The following DLG2 variants were observed in gnomAD, a reference collection of about 807,000 sequenced individuals.
DLG2 encodes discs large MAGUK scaffold protein 2.
A neutral mutation model predicts 132.5 loss-of-function variants in DLG2; 45 were observed. The observed-to-expected ratio is 0.34, with a 90% CI of 0.27 to 0.44. The LOEUF is 0.44. Among genes scored for constraint, DLG2 ranks in the 20% least tolerant of loss-of-function variants. The probability of loss-of-function intolerance (pLI) is 1.00; values close to 1 mark genes in which losing one functional copy is unlikely to be tolerated. For synonymous variants in DLG2, 424 were observed against 419.6 expected (o/e 1.01, Z -0.13); for missense variants, 1,045 against 1,196.9 (o/e 0.87, Z 1.87).
intron 7 of DLG2, among the ~76,000 whole-genome samples, chr11:84,519,221 C>A (rs1429726880): frequency 1.3e-5 from 2 of 152,176 alleles, no homozygotes; most frequent in Middle Eastern, 3.4e-3. Flanking sequence ...AAAATAAATA[C>A]CCAGTGCACA....
chr11:84,679,651 T>G (rs554903181), intron 6 of DLG2, among the ~76,000 whole-genome samples: 5 of 152,238 alleles, frequency 3.3e-5, no homozygotes, highest in South Asian at 2.1e-4. Context: ...ATTGAGAGTT[T>G]ACTATATGTC....
intron 11 of DLG2, among the ~76,000 whole-genome samples, chr11:83,995,810 T>C (rs979691086): frequency 6.6e-6 from 1 of 152,164 alleles, no homozygotes; most frequent in African/African-American, 2.4e-5. Flanking sequence ...TATTGCCATA[T>C]ACAAAAATCA....
At chr11:84,048,711 G>C (rs1255622785) in intron 11 of DLG2, among the ~76,000 whole-genome samples, 1 of 151,584 alleles carries the variant, frequency 6.6e-6, no homozygotes, top group Non-Finnish European at 1.5e-5. Context: ...TTTGTTTTTA[G>C]TTTCTACCAG....
intron 6 of DLG2, among the ~76,000 whole-genome samples, chr11:85,084,249 T>C (rs2067614687): frequency 6.6e-6 from 1 of 152,134 alleles, no homozygotes; most frequent in Admixed American, 6.5e-5. Flanking sequence ...AATGTTCTTA[T>C]GTAGGAAAGA....
chr11:85,482,033 C>T (rs1374755864), intron 3 of DLG2, among the ~76,000 whole-genome samples: 1 of 151,970 alleles, frequency 6.6e-6, no homozygotes, highest in Non-Finnish European at 1.5e-5. Flanking sequence ...AGATCAGACC[C>T]AGCAGAAGAC....
intron 21 of DLG2, among the ~76,000 whole-genome samples, chr11:83,494,776 T>C (rs1401039753): frequency 6.6e-6 from 1 of 152,052 alleles, no homozygotes; most frequent in Non-Finnish European, 1.5e-5. Context: ...GCACAGACTA[T>C]GTGGCAGCCC....
At chr11:84,201,657 C>T (rs541213833) in intron 8 of DLG2, among the ~76,000 whole-genome samples, 16 of 150,818 alleles carry the variant, frequency 1.1e-4, no homozygotes, top group African/African-American at 3.9e-4. Flanking sequence ...TTCAGGGATA[C>T]AATTTCTTCC....
intron 6 of DLG2, among the ~76,000 whole-genome samples, chr11:84,744,757 G>A (rs1168858006): frequency 6.6e-6 from 1 of 151,960 alleles, no homozygotes; most frequent in East Asian, 1.9e-4. Context: ...AACACATTGA[G>A]AAGAAAGACA....
Position 83,805,294 on chromosome 11 carries a change from A to G in DLG2, c.1723-18502T>C, listed in dbSNP as rs192581324. Among the ~76,000 whole-genome samples the G allele has an allele frequency of 2.0e-3, 306 of 152,140 alleles. 8 individuals are homozygous for G. The highest frequency in any genetic ancestry group is 0.014 in the Admixed American group (210 of 15,274). On this transcript the variant is annotated intron_variant, in intron 17 of 27. Coordinates refer to ENST00000376104, the MANE Select transcript of DLG2 (RefSeq NM_001142699.3). ...TAGCGGGTTAAAAAATGGTTATTTT[A>G]TAAATTCTTTATTTATTCTAGAATT...
At chr11:83,596,234 C>G (rs2057556500) in intron 19 of DLG2, among the ~76,000 whole-genome samples, 1 of 152,162 alleles carries the variant, frequency 6.6e-6, no homozygotes, top group South Asian at 2.1e-4. Context: ...TCTTCCCTCC[C>G]TTAAAGTTGA....
intron 4 of DLG2, among the ~76,000 whole-genome samples, chr11:85,179,891 T>C (rs2079572245): frequency 6.6e-6 from 1 of 151,946 alleles, no homozygotes; most frequent in African/African-American, 2.4e-5. Context: ...ATGAAGTTTA[T>C]ACTATTAGTG....
intron 18 of DLG2, chr11:83,647,464 T>TG (rs1420676989): frequency 6.6e-6 from 1 of 152,160 alleles, no homozygotes; most frequent in Non-Finnish European, 1.5e-5. Context: ...AAGCTATAGC[T>TG]GCTCCTTTTA....
intron 6 of DLG2, among the ~76,000 whole-genome samples, chr11:84,926,376 G>C (rs1193450901): frequency 6.6e-6 from 1 of 151,996 alleles, no homozygotes; most frequent in East Asian, 1.9e-4. Context: ...ATGTGTGTAT[G>C]TGTATCTAAA....
At chr11:84,774,992 G>A (rs1053265914) in intron 6 of DLG2, among the ~76,000 whole-genome samples, 1 of 151,912 alleles carries the variant, frequency 6.6e-6, no homozygotes, top group African/African-American at 2.4e-5. Context: ...ACAGAGTAAA[G>A]AGGCAACCTA....
chr11:84,015,475 A>G (rs1011360301), intron 11 of DLG2, among the ~76,000 whole-genome samples: 6 of 152,072 alleles, frequency 3.9e-5, no homozygotes, highest in African/African-American at 1.2e-4. Flanking sequence ...AGATCATCCC[A>G]TCACCCAGGT....
intron 4 of DLG2, among the ~76,000 whole-genome samples, chr11:85,154,869 A>C (rs1302080689): frequency 6.6e-6 from 1 of 152,244 alleles, no homozygotes; most frequent in East Asian, 1.9e-4. Context: ...GGCCAATTTT[A>C]AATTTCAAAG....
intron 4 of DLG2, among the ~76,000 whole-genome samples, chr11:85,242,344 T>C (rs1447378074): frequency 6.6e-6 from 1 of 151,980 alleles, no homozygotes; most frequent in Non-Finnish European, 1.5e-5. Flanking sequence ...TCTATATGTT[T>C]AATGTTTTCT....
chr11:85,302,971 C>T (rs1025190517), intron 3 of DLG2, among the ~76,000 whole-genome samples: 7 of 152,112 alleles, frequency 4.6e-5, no homozygotes, highest in African/African-American at 1.2e-4. Flanking sequence ...AAAATTGAGA[C>T]GGAGCAAAGT....
chr11:84,027,676 T>A (rs114308312), intron 11 of DLG2, among the ~76,000 whole-genome samples: 1 of 152,122 alleles, frequency 6.6e-6, no homozygotes, highest in African/African-American at 2.4e-5. Context: ...TACCATTCAC[T>A]TATTAACTCT....
Sources: gnomAD v4.1 joint callset for allele counts (sites outside exome capture counted in the v4.1 genomes callset) on GRCh38, gnomAD v4.1.1 for gene constraint, MANE v1.5 for transcripts, NCBI Gene and HGNC (gene_info 2026-07-23, HGNC 2026-07-21) for gene names.